Variants in SMYD3 observed in about 807,000 individuals in gnomAD.
The protein encoded by SMYD3 is SET and MYND domain containing 3, also known as histone-lysine N-methyltransferase SMYD3.
In SMYD3, 36 loss-of-function variants were observed where a neutral mutation model predicts 57.7. The observed-to-expected ratio is 0.62, with a 90% CI of 0.48 to 0.82. The LOEUF is 0.82. SMYD3 is among the 40% of genes least tolerant of loss of function. The probability of loss-of-function intolerance (pLI) is 0.00; values close to 1 mark genes in which losing one functional copy is unlikely to be tolerated. For synonymous variants in SMYD3, 211 were observed against 195.0 expected, an observed-to-expected ratio of 1.08 and a Z score of -0.68; for missense variants, 515 against 538.8, an observed-to-expected ratio of 0.96 and a Z score of 0.44.
intron 8 of SMYD3, among the ~76,000 whole-genome samples, chr1:245,868,751 G>T (rs549001554): frequency 4.6e-5 from 7 of 152,060 alleles, no homozygotes; most frequent in Non-Finnish European, 4.4e-5. Context: ...GTTCCACTAC[G>T]GTAACTGCCT....
At chr1:245,857,738 T>C (rs2051324496) in intron 10 of SMYD3, among the ~76,000 whole-genome samples, 1 of 152,254 alleles carries the variant, frequency 6.6e-6, no homozygotes, top group Admixed American at 6.5e-5. Context: ...CCCTTCCCCT[T>C]GGGCTGCTCT....
At chr1:246,300,178 G>C (rs2064869200) in intron 5 of SMYD3, among the ~76,000 whole-genome samples, 1 of 152,010 alleles carries the variant, frequency 6.6e-6, no homozygotes, top group East Asian at 1.9e-4. Flanking sequence ...TAAGAAGTAA[G>C]GTTTCTAGGG....
intron 5 of SMYD3, among the ~76,000 whole-genome samples, chr1:246,144,566 C>A (rs766638753): frequency 1.3e-5 from 2 of 152,202 alleles, no homozygotes; most frequent in Non-Finnish European, 2.9e-5. Flanking sequence ...CCCTCCCTGT[C>A]AACAAATTTC....
intron 5 of SMYD3, among the ~76,000 whole-genome samples, chr1:245,978,365 A>G (rs2058505061): frequency 6.6e-6 from 1 of 152,228 alleles, no homozygotes; most frequent in Non-Finnish European, 1.5e-5. Context: ...CTCAGTAGAA[A>G]TTAACCACAA....
intron 5 of SMYD3, among the ~76,000 whole-genome samples, chr1:246,276,021 G>C (rs1023996000): frequency 2.1e-5 from 2 of 97,138 alleles, no homozygotes; most frequent in Non-Finnish European, 4.5e-5. Flanking sequence ...TACTAACTCT[G>C]TTTTTCACTA....
chr1:246,452,426 CG>C (rs1290388775), intron 1 of SMYD3, among the ~76,000 whole-genome samples: 5 of 152,130 alleles, frequency 3.3e-5, no homozygotes, highest in Middle Eastern at 3.4e-3. Flanking sequence ...CGTTTGAACT[CG>C]TTTGGGAGGT....
chr1:245,938,823 G>A (rs1187055725), intron 5 of SMYD3, among the ~76,000 whole-genome samples: 1 of 152,162 alleles, frequency 6.6e-6, no homozygotes, highest in African/African-American at 2.4e-5. Flanking sequence ...GAGTTGGTAA[G>A]TAGCTAAAAC....
At chr1:245,962,842 A>G (rs1450574139) in intron 5 of SMYD3, among the ~76,000 whole-genome samples, 1 of 152,108 alleles carries the variant, frequency 6.6e-6, no homozygotes, top group Non-Finnish European at 1.5e-5. Context: ...ACAAAAAAGA[A>G]AAACCAAGTT....
At chr1:245,791,893 ACT>A in intron 10 of SMYD3, among the ~76,000 whole-genome samples, 1 of 151,014 alleles carries the variant, frequency 6.6e-6, no homozygotes, top group South Asian at 2.1e-4. Flanking sequence ...GGTAGTTCTC[ACT>A]GTCATGCCAA....
At chr1:246,434,963 C>G (rs193095397) in intron 1 of SMYD3, among the ~76,000 whole-genome samples, 3 of 152,190 alleles carry the variant, frequency 2.0e-5, no homozygotes, top group East Asian at 3.9e-4. Context: ...TATTCTGCTC[C>G]CCATGGAATA....
At position 245,807,688 on chromosome 1, in the gene SMYD3, C is replaced by T. The variant is rs572086354; in HGVS notation, c.1077-43539G>A. Among the ~76,000 whole-genome samples the T allele has an allele frequency of 3.9e-5, 6 of 152,166 alleles. No individual in the cohort carries two copies. The East Asian group carries it at 1.2e-3, about 29-fold the overall frequency. On this transcript the variant is annotated intron_variant, in intron 10 of 11. Coordinates refer to ENST00000490107, the MANE Select transcript of SMYD3 (RefSeq NM_001167740.2). ...ACTCACCATTAATAACAAAACAACACTTTACAGTCCCCCCTTCCCTTTCAG... is the reference window on the plus strand; with the variant it reads ...ACTCACCATTAATAACAAAACAACATTTTACAGTCCCCCCTTCCCTTTCAG...
At chr1:246,310,661 CTTT>C (rs386370347) in intron 5 of SMYD3, among the ~76,000 whole-genome samples, 47 of 72,220 alleles carry the variant, frequency 6.5e-4, no homozygotes, top group Non-Finnish European at 7.5e-4. Context: ...AAGAGTAAGG[CTTT>C]TTTTTTTTTT....
chr1:245,763,268 T>A (rs995414324), intron 11 of SMYD3, among the ~76,000 whole-genome samples: 8 of 152,198 alleles, frequency 5.3e-5, no homozygotes, highest in South Asian at 4.1e-4. Context: ...TGCATGGCAC[T>A]GAGCTGGTTG....
intron 10 of SMYD3, among the ~76,000 whole-genome samples, chr1:245,807,055 G>A (rs1034665457): frequency 6.6e-6 from 1 of 152,028 alleles, no homozygotes; most frequent in Non-Finnish European, 1.5e-5. Context: ...GTCAAGAGTG[G>A]GGTGTGGTCA....
chr1:246,131,227 C>T (rs1453182011), intron 5 of SMYD3, among the ~76,000 whole-genome samples: 2 of 152,146 alleles, frequency 1.3e-5, no homozygotes, highest in African/African-American at 4.8e-5. Context: ...GGGTTGCCTC[C>T]ATTGCCCTAT....
chr1:245,981,018 G>C (rs2058582642), intron 5 of SMYD3, among the ~76,000 whole-genome samples: 1 of 152,150 alleles, frequency 6.6e-6, no homozygotes, highest in Non-Finnish European at 1.5e-5. Flanking sequence ...TTCACTATCT[G>C]ACCCTTTAGA....
chr1:245,974,517 G>C (rs2058380389), intron 5 of SMYD3, among the ~76,000 whole-genome samples: 1 of 143,866 alleles, frequency 7.0e-6, no homozygotes, highest in African/African-American at 2.6e-5. Context: ...CCCAGGGAAA[G>C]CCATCGTCTC....
intron 1 of SMYD3, among the ~76,000 whole-genome samples, chr1:246,503,212 G>A (rs1029373845): frequency 6.6e-6 from 1 of 152,204 alleles, no homozygotes; most frequent in Non-Finnish European, 1.5e-5. Context: ...CACCAGGACT[G>A]AAAGGGATGA....
intron 5 of SMYD3, among the ~76,000 whole-genome samples, chr1:245,970,748 T>C (rs2058278752): frequency 6.6e-6 from 1 of 152,228 alleles, no homozygotes; most frequent in Admixed American, 6.5e-5. Context: ...CACAGTGAGA[T>C]ACCATCTCAC....
Sources: allele counts gnomAD v4.1 joint callset (sites outside exome capture counted in the v4.1 genomes callset), GRCh38; gene constraint gnomAD v4.1.1; transcripts MANE v1.5; gene names NCBI Gene and HGNC (gene_info 2026-07-23, HGNC 2026-07-21).